Variants in PGAM1 observed in about 807,000 individuals in gnomAD.
PGAM1 encodes phosphoglycerate mutase 1, also known as BPG-dependent PGAM 1.
PGAM1 carries 21 observed loss-of-function variants against 23.5 expected under a neutral mutation model. The observed-to-expected ratio is 0.89, with a 90% confidence interval of 0.63 to 1.29. The LOEUF is 1.29. Ranked by LOEUF, PGAM1 falls within the 50% of genes most tolerant of loss-of-function variation. The probability of loss-of-function intolerance (pLI) is 0.00; values close to 1 mark genes in which losing one functional copy is unlikely to be tolerated. For missense variants in PGAM1, 232 were observed against 336.3 expected (o/e 0.69, Z 2.42); for synonymous variants, 109 against 128.6 (o/e 0.85, Z 1.03).
rs1406938629 is a variant in PGAM1 at position 97,432,880 on chromosome 10, A to C, written c.*356A>C. The C allele has an allele frequency of 1.5e-5, 4 of 261,782 alleles. No homozygotes were observed. In the Admixed American group the frequency reaches 2.1e-4, roughly 14 times the overall value. The allele number at this position is 261,782 out of a possible 1,614,324, so 16.2% of individuals were successfully genotyped here. Reference sequence around the variant, plus strand: ...AAGCCATGACCAGTGAGGAGAAGCAACAGAGCCTGTCTGTCCCCATGAGCG... The same window carrying C: ...AAGCCATGACCAGTGAGGAGAAGCACCAGAGCCTGTCTGTCCCCATGAGCG... On this transcript the variant is annotated 3_prime_UTR_variant, in exon 4 of 4. Transcript: ENST00000334828.
chr10:97,429,874 T>G (rs1018538070), intron 1 of PGAM1, among the ~76,000 whole-genome samples: 1 of 151,858 alleles, frequency 6.6e-6, no homozygotes, highest in Non-Finnish European at 1.5e-5. Flanking sequence ...GGTGAAACCT[T>G]GTCTCTACTA....
rs888329236 is a variant in PGAM1 at position 97,429,092 on chromosome 10, CTTTTTTTTTTTTTTT to C, written c.140-1276_140-1262del. 3.9e-3 allele frequency among the ~76,000 whole-genome samples: 330 copies of C among 84,800 alleles called. 3 individuals carry two copies. The Middle Eastern group carries it at 0.12, about 32-fold the overall frequency. The allele number at this position is 84,800 out of a possible 152,430, so 55.6% of individuals were successfully genotyped here. Reference sequence around the variant, plus strand: ...GAAACAAAATCAATAAGACTGATTCCTTTTTTTTTTTTTTTTTTTTTTTTTGCGTGCGACAGAGTC... The same window carrying C: ...GAAACAAAATCAATAAGACTGATTCCTTTTTTTTTTGCGTGCGACAGAGTC... On this transcript the variant is annotated intron_variant, in intron 1 of 3. Coordinates refer to ENST00000334828, the MANE Select transcript of PGAM1 (RefSeq NM_002629.4).
chr10:97,428,502 C>A (rs1217509531), intron 1 of PGAM1, among the ~76,000 whole-genome samples: 1 of 152,188 alleles, frequency 6.6e-6, no homozygotes, highest in African/African-American at 2.4e-5. Context: ...AGGCTTTATT[C>A]TCTGATTCTT....
At position 97,426,676 on chromosome 10, in the gene PGAM1, G is replaced by A. The variant is rs536335900; in HGVS notation, c.139+230G>A. Reference sequence around the variant, plus strand: ...GGGGAGGACCCAGGGCGGTCGCCCCGCAACCCTTTGCGCTCCCCACGACAC... The same window carrying A: ...GGGGAGGACCCAGGGCGGTCGCCCCACAACCCTTTGCGCTCCCCACGACAC... On this transcript the variant is annotated intron_variant, in intron 1 of 3. Transcript: ENST00000334828. 4.0e-4 allele frequency among the ~76,000 whole-genome samples: 61 copies of A among 152,382 alleles called. 1 individual carries two copies. The highest frequency in any genetic ancestry group is 1.3e-3 in the Admixed American group (20 of 15,308).
intron 1 of PGAM1, among the ~76,000 whole-genome samples, chr10:97,426,734 T>C (rs996933745): frequency 6.6e-6 from 1 of 152,228 alleles, no homozygotes; most frequent in African/African-American, 2.4e-5. Flanking sequence ...AGTCTGAACA[T>C]TTAATATGTC....
intron 1 of PGAM1, 54 bp downstream of exon 1, chr10:97,426,500 C>T (rs904950061): frequency 2.1e-5 from 31 of 1,504,032 alleles, no homozygotes; most frequent in Non-Finnish European, 2.6e-5. Flanking sequence ...GCCTCGGAGG[C>T]CGCCTGGCTG....
At chr10:97,428,458 CTA>C (rs543643756) in intron 1 of PGAM1, among the ~76,000 whole-genome samples, 148 of 152,230 alleles carry the variant, frequency 9.7e-4, no homozygotes, top group African/African-American at 3.2e-3. Flanking sequence ...GTGCCCCTGG[CTA>C]TGTTTTAGTT....
rs1416543285 is a variant in PGAM1 at position 97,430,709 on chromosome 10, GTC to G, written c.414+58_414+59del. ...CCCAGGATCAGGGGCTTTTAGTAGT[GTC>G]TGCCTAATCTCACTGAACTTACAAT... is the stretch of plus-strand genomic sequence containing the variant. On this transcript the variant is annotated intron_variant, in intron 2 of 3. Transcript: ENST00000334828. The G allele has an allele frequency of 2.5e-6, 4 of 1,599,522 alleles. No homozygotes were observed. The African/African-American group carries it at 5.3e-5, about 21-fold the overall frequency.
At chr10:97,429,395 T>C (rs1425237487) in intron 1 of PGAM1, among the ~76,000 whole-genome samples, 1 of 152,130 alleles carries the variant, frequency 6.6e-6, no homozygotes, top group Non-Finnish European at 1.5e-5. Flanking sequence ...TGAGCCACCG[T>C]GCCGGGCCAA....
At position 97,426,214 on chromosome 10, in the gene PGAM1, T is replaced by C. The variant is rs1845405998; in HGVS notation, c.-94T>C. ...GCGAGAACTTGCGCGGGAGCCGGAC[T>C]GAGCGGTGCGAGCGCGCAGGCGCGG... On this transcript the variant is annotated 5_prime_UTR_variant, in exon 1 of 4. Transcript: ENST00000334828. The C allele has an allele frequency of 1.3e-6, 2 of 1,581,742 alleles. No homozygotes were observed. Among genetic ancestry groups the C allele is most frequent in the South Asian group, 1.1e-5 (1 of 89,720 alleles).
Position 97,432,373 on chromosome 10 carries a change from T to C in PGAM1, c.614T>C (p.Ile205Thr), listed in dbSNP as rs1245343862. The C allele has an allele frequency of 3.1e-6, 5 of 1,612,126 alleles. No homozygotes were observed. The highest frequency in any genetic ancestry group is 1.7e-5 in the Admixed American group (1 of 60,006). Residue 205 changes from isoleucine (I) to threonine (T), a missense_variant, in exon 4 of 4, where the codon ATC (isoleucine) becomes ACC (threonine). This residue lies in a region of PGAM1 where 191 missense variants were observed against 241.7 expected (regional missense o/e 0.79). Transcript: ENST00000334828. ...KHLEGLSEEA[I>T]MELNLPTGIP... is the part of the protein sequence containing the mutation. ...TTTTCAGGTCTCTCTGAAGAGGCTA[T>C]CATGGAGCTGAACCTGCCGACTGGT...
At chr10:97,430,234 A>C (rs1389701724) in intron 1 of PGAM1, 145 bp from the exon 2 acceptor site, 1 of 959,322 alleles carries the variant, frequency 1.0e-6, no homozygotes, top group African/African-American at 1.6e-5. Context: ...ATAGAGTGCA[A>C]GGATAAACAA....
chr10:97,429,186 C>T (rs1346786082), intron 1 of PGAM1, among the ~76,000 whole-genome samples: 1 of 147,366 alleles, frequency 6.8e-6, no homozygotes, highest in Admixed American at 6.9e-5. Flanking sequence ...TCACTGCAAG[C>T]TCCGCCTCCC....
intron 1 of PGAM1, 23 bp downstream of exon 1, chr10:97,426,469 C>T (rs1415069654): frequency 6.4e-7 from 1 of 1,564,788 alleles, no homozygotes; most frequent in Admixed American, 1.9e-5. Flanking sequence ...CGGGTGTGGG[C>T]TGCGAAGGGC....
chr10:97,432,374 C>G lies in PGAM1; in HGVS notation c.615C>G (p.Ile205Met). ...KHLEGLSEEA[I>M]MELNLPTGIP... is the part of the protein sequence containing the mutation. ...TTTCAGGTCTCTCTGAAGAGGCTAT[C>G]ATGGAGCTGAACCTGCCGACTGGTA... Residue 205 changes from isoleucine (I) to methionine (M), a missense_variant, in exon 4 of 4, where the codon ATC becomes ATG. By Grantham distance (10) the Ile-to-Met change is conservative (BLOSUM62 1). Around this residue, in one of 3 missense-constraint regions of PGAM1, gnomAD observed 191 missense variants for 241.7 expected, o/e 0.79. Coordinates refer to ENST00000334828, the MANE Select transcript of PGAM1 (RefSeq NM_002629.4). 6.2e-7 allele frequency: 1 copy of G among 1,612,080 alleles called. No individual in the cohort carries two copies. The highest frequency in any genetic ancestry group is 8.5e-7 in the Non-Finnish European group (1 of 1,179,916).
intron 1 of PGAM1, chr10:97,427,619 G>A (rs1192392081): frequency 2.5e-6 from 3 of 1,180,610 alleles, no homozygotes; most frequent in Non-Finnish European, 3.2e-6. Flanking sequence ...GGGCAAAGGT[G>A]GAAGTGGCTG....
chr10:97,433,007 A>G lies in PGAM1; in HGVS notation c.*483A>G, dbSNP rs1712820080. On this transcript the variant is annotated 3_prime_UTR_variant, in exon 4 of 4. Coordinates refer to ENST00000334828, the MANE Select transcript of PGAM1 (RefSeq NM_002629.4). ...ATGTAACCTGCGTGGTGATGTGACA[A>G]CTGTTTCCTCCCTGACCCCAGAGGA... 2 of 160,644 alleles carry G rather than the reference A, an allele frequency of 1.2e-5. No homozygotes were observed. Among genetic ancestry groups the G allele is most frequent in the Admixed American group, 5.9e-5 (1 of 16,990 alleles). The allele number at this position is 160,644 out of a possible 1,614,324, so 10.0% of individuals were successfully genotyped here. A position where few individuals can be genotyped will look rare whatever the true frequency, so the allele number is the denominator to read the frequency against.
intron 3 of PGAM1, 91 bp downstream of exon 3, chr10:97,431,226 G>C (rs1845468551): frequency 4.8e-6 from 7 of 1,451,910 alleles, no homozygotes; most frequent in Non-Finnish European, 9.6e-7. Flanking sequence ...CTAGGGAAGG[G>C]CTGGACATGT....
Position 97,426,230 on chromosome 10 carries a change from G to T in PGAM1, c.-78G>T, listed in dbSNP as rs574209701. On this transcript the variant is annotated 5_prime_UTR_variant, in exon 1 of 4. Coordinates refer to ENST00000334828, the MANE Select transcript of PGAM1 (RefSeq NM_002629.4). ...GAGCCGGACTGAGCGGTGCGAGCGC[G>T]CAGGCGCGGCCGACGGGGCGGGCTG... 1 of 1,600,968 alleles carries T rather than the reference G, an allele frequency of 6.2e-7. No individual in the cohort carries two copies. The highest frequency in any genetic ancestry group is 1.1e-5 in the South Asian group (1 of 90,438).
Sources: allele counts gnomAD v4.1 joint callset (sites outside exome capture counted in the v4.1 genomes callset), GRCh38; gene constraint gnomAD v4.1.1; regional missense constraint gnomAD v4.1.1; transcripts MANE v1.5; gene names NCBI Gene and HGNC (gene_info 2026-07-23, HGNC 2026-07-21).